The following GNB5 variants were observed in gnomAD, a reference collection of about 807,000 sequenced individuals.
GNB5 encodes G protein subunit beta 5.
GNB5 carries 37 observed loss-of-function variants against 55.3 expected under a neutral mutation model. That is an observed-to-expected ratio of 0.67 (90% CI 0.51 to 0.88). The LOEUF (loss-of-function observed/expected upper bound fraction) is 0.88. Ranked by LOEUF, GNB5 falls within the 40% of genes least tolerant of loss-of-function variation. GNB5 has a pLI of 0.00. For missense variants in GNB5, 476 were observed against 515.3 expected (o/e 0.92, Z 0.74); for synonymous variants, 219 against 198.5 (o/e 1.10, Z -0.87).
chr15:52,169,623 G>T (rs1037253137), intron 3 of GNB5, among the ~76,000 whole-genome samples: 1 of 150,310 alleles, frequency 6.7e-6, no homozygotes, highest in East Asian at 1.9e-4. Flanking sequence ...AGGTAAAGAG[G>T]AAAACCTAGG....
intron 3 of GNB5, among the ~76,000 whole-genome samples, chr15:52,158,051 T>C (rs1490076461): frequency 6.6e-6 from 1 of 151,952 alleles, no homozygotes; most frequent in East Asian, 1.9e-4. Context: ...AACCAGCTGG[T>C]TTCTATAATA....
At chr15:52,152,295 G>A (rs75881442) in intron 4 of GNB5, among the ~76,000 whole-genome samples, 200 of 151,466 alleles carry the variant, frequency 1.3e-3, no homozygotes, top group African/African-American at 4.8e-3. Context: ...AACCTATGCT[G>A]ATCATAAAAA....
At chr15:52,146,605 C>A (rs181189099) in intron 6 of GNB5, among the ~76,000 whole-genome samples, 324 of 152,254 alleles carry the variant, frequency 2.1e-3, no homozygotes, top group Non-Finnish European at 3.6e-3. Flanking sequence ...CTTACTCTCA[C>A]CCAGGCTGGA....
At chr15:52,184,465 C>T in intron 2 of GNB5, 86 bp downstream of exon 2, 2 of 1,158,640 alleles carry the variant, frequency 1.7e-6, no homozygotes, top group Non-Finnish European at 2.6e-6. Flanking sequence ...GTTATATAAG[C>T]TGATTCTATG....
In GNB5 at chr15:52,139,692, G is replaced by A. The variant is rs961601446; in HGVS notation, c.627+1448C>T. 2.5e-5 allele frequency: 15 copies of A among 603,612 alleles called. No individual in the cohort carries two copies. The East Asian group carries it at 1.2e-3, about 50-fold the overall frequency. The allele number at this position is 603,612 out of a possible 1,614,324, so 37.4% of individuals were successfully genotyped here. On this transcript the variant is annotated intron_variant, in intron 7 of 12. Coordinates refer to ENST00000261837, the MANE Select transcript of GNB5 (RefSeq NM_016194.4). ...GAGCCAAGATCCAATCCTGCTGTCT[G>A]CCTCCAGAGCCACCCTTGACCTACC...
At position 52,128,189 on chromosome 15, in the gene GNB5, A is replaced by T; in HGVS notation, c.912+7T>A. The T allele has an allele frequency of 1.3e-6, 2 of 1,597,300 alleles. No individual in the cohort carries two copies. Among genetic ancestry groups the T allele is most frequent in the Non-Finnish European group, 1.7e-6 (2 of 1,164,778 alleles). On this transcript the variant is annotated splice_region_variant and intron_variant, in intron 10 of 12. Transcript: ENST00000261837. ...TAGGAAAAGCTCTCAAAAACTTAGA[A>T]ACATACCGTAGCGTCATCTGACCCT...
intron 3 of GNB5, 64 bp from the exon 4 acceptor site, chr15:52,154,140 A>C: frequency 6.7e-7 from 1 of 1,502,132 alleles, no homozygotes; most frequent in Non-Finnish European, 9.1e-7. Flanking sequence ...TTGGGCTGAC[A>C]CAGCACAGAC....
In GNB5 at chr15:52,141,176, G is replaced by A; in HGVS notation, c.591C>T (p.Tyr197=). 2 of 1,614,046 alleles carry A rather than the reference G, an allele frequency of 1.2e-6. No homozygotes were observed. The highest frequency in any genetic ancestry group is 1.7e-6 in the Non-Finnish European group (2 of 1,179,910). The part of the protein sequence containing the change: ...KKKSVAMHTN[Y]LSACSFTNSD... ...AGTTGGTGAAGCTGCAGGCCGACAG[G>A]TAGTTGGTGTGCATAGCAACAGACT... Residue 197 remains tyrosine (Y), a synonymous_variant, in exon 7 of 13, where the codon TAC becomes TAT. Transcript: ENST00000261837.
At chr15:52,164,842 G>C (rs1566945852) in intron 3 of GNB5, among the ~76,000 whole-genome samples, 2 of 152,112 alleles carry the variant, frequency 1.3e-5, no homozygotes, top group African/African-American at 2.4e-5. Context: ...CAAAGGCACA[G>C]AACTGGGTTG....
chr15:52,189,091 G>A (rs1452076799), intron 1 of GNB5, among the ~76,000 whole-genome samples: 1 of 152,178 alleles, frequency 6.6e-6, no homozygotes, highest in Non-Finnish European at 1.5e-5. Flanking sequence ...GGTATATCCA[G>A]TTTTTACTTT....
intron 10 of GNB5, among the ~76,000 whole-genome samples, chr15:52,127,728 GT>G (rs2033464110): frequency 1.3e-5 from 2 of 151,676 alleles, no homozygotes; most frequent in South Asian, 4.2e-4. Context: ...TTAAAACTGG[GT>G]CTATTTATGG....
intron 9 of GNB5, among the ~76,000 whole-genome samples, chr15:52,132,150 T>C (rs2033593611): frequency 8.0e-6 from 1 of 124,890 alleles, no homozygotes; most frequent in African/African-American, 3.9e-5. Flanking sequence ...TGTCTCCCTG[T>C]GGAACTAGGG....
chr15:52,136,172 A>ACCCCC (rs1555405462), intron 7 of GNB5, among the ~76,000 whole-genome samples: 1 of 100,050 alleles, frequency 1.0e-5, no homozygotes, highest in African/African-American at 4.4e-5. Flanking sequence ...ACACACACAC[A>ACCCCC]CCCTACCTGC....
At chr15:52,157,856 C>T (rs546420069) in intron 3 of GNB5, among the ~76,000 whole-genome samples, 1 of 151,456 alleles carries the variant, frequency 6.6e-6, no homozygotes, top group African/African-American at 2.4e-5. Flanking sequence ...ATTTTGCATC[C>T]ACTGAATTAA....
chr15:52,136,544 C>CG (rs1371374613), intron 7 of GNB5, among the ~76,000 whole-genome samples: 1 of 152,156 alleles, frequency 6.6e-6, no homozygotes, highest in Non-Finnish European at 1.5e-5. Flanking sequence ...AGGCTGGTCA[C>CG]GGGGCACACT....
intron 6 of GNB5, among the ~76,000 whole-genome samples, chr15:52,141,911 G>A (rs1311463182): frequency 1.3e-5 from 2 of 152,124 alleles, no homozygotes; most frequent in Non-Finnish European, 2.9e-5. Flanking sequence ...GACCAACCAA[G>A]GCTCACATAT....
In GNB5 at chr15:52,141,137, T is replaced by C. The variant is rs775019527; in HGVS notation, c.627+3A>G. 1.2e-5 allele frequency: 19 copies of C among 1,614,008 alleles called. No individual in the cohort carries two copies. The East Asian group carries it at 4.2e-4, about 36-fold the overall frequency. ...AACCTGACACCGGGGGCTGCCTATTTACCTGCATGTCAGAGTTGGTGAAGC... is the reference window on the plus strand; with the variant it reads ...AACCTGACACCGGGGGCTGCCTATTCACCTGCATGTCAGAGTTGGTGAAGC... On this transcript the variant is annotated splice_donor_region_variant and intron_variant, in intron 7 of 12. Transcript: ENST00000261837.
Position 52,150,038 on chromosome 15 carries a change from T to C in GNB5, c.376-113A>G, listed in dbSNP as rs576471205. ...GGCAGTGTGAAGTAGAAAGCCAGAA[T>C]GAGGATCTGGATAATCAAGACCCCC... On this transcript the variant is annotated intron_variant, in intron 4 of 12. Coordinates refer to ENST00000261837, the MANE Select transcript of GNB5 (RefSeq NM_016194.4). 2.2e-5 allele frequency: 17 copies of C among 789,868 alleles called. No homozygotes were observed. The East Asian group carries it at 3.5e-4, about 16-fold the overall frequency. The allele number at this position is 789,868 out of a possible 1,614,324, so 48.9% of individuals were successfully genotyped here. A position where few individuals can be genotyped will look rare whatever the true frequency, so the allele number is the denominator to read the frequency against.
At chr15:52,181,416 A>T (rs2034767176) in intron 2 of GNB5, among the ~76,000 whole-genome samples, 2 of 152,046 alleles carry the variant, frequency 1.3e-5, no homozygotes, top group South Asian at 4.2e-4. Context: ...AGGAGTTCGA[A>T]ACCAGCCTGG....
Sources: gnomAD v4.1 joint callset for allele counts (sites outside exome capture counted in the v4.1 genomes callset) on GRCh38, gnomAD v4.1.1 for gene constraint, MANE v1.5 for transcripts, NCBI Gene and HGNC (gene_info 2026-07-23, HGNC 2026-07-21) for gene names.